UBAP2: variants seen among roughly 807,000 people sequenced by gnomAD.
The protein encoded by UBAP2 is ubiquitin associated protein 2.
In UBAP2, 75 loss-of-function variants were observed where a neutral mutation model predicts 139.6. The ratio of observed to expected loss-of-function variants is 0.54; its 90% CI spans 0.45 to 0.65. UBAP2 has a LOEUF of 0.65. Among genes scored for constraint, UBAP2 ranks in the 30% least tolerant of loss-of-function variants. The pLI, the probability that UBAP2 is intolerant of heterozygous loss-of-function variation, is 0.00. For synonymous variants in UBAP2, 526 were observed against 526.2 expected (o/e 1.00, Z 0.01); for missense variants, 1,368 against 1,369.6 (o/e 1.00, Z 0.02).
chr9:34,001,806 T>C (rs1587640834), intron 2 of UBAP2, among the ~76,000 whole-genome samples: 1 of 152,254 alleles, frequency 6.6e-6, no homozygotes, highest in East Asian at 1.9e-4. Flanking sequence ...TCAGGTAGCC[T>C]TGTTCCAATC....
At chr9:33,926,068 A>G (rs989871733) in intron 22 of UBAP2, among the ~76,000 whole-genome samples, 6 of 152,228 alleles carry the variant, frequency 3.9e-5, no homozygotes, top group Non-Finnish European at 7.3e-5. Flanking sequence ...GTAAGGCTGC[A>G]ACCACCAGGG....
At chr9:34,035,514 A>AAAAAAAAAAAAAATATATATAT in intron 1 of UBAP2, among the ~76,000 whole-genome samples, 1 of 22,490 alleles carries the variant, frequency 4.4e-5, no homozygotes, top group Non-Finnish European at 9.8e-5. Context: ...AAAAAAAAAA[A>AAAAAAAAAAAAAATATATATAT]ATATATATAT....
intron 12 of UBAP2, among the ~76,000 whole-genome samples, chr9:33,951,052 C>A (rs1201498109): frequency 6.6e-6 from 1 of 152,126 alleles, no homozygotes; most frequent in Non-Finnish European, 1.5e-5. Context: ...TATTTGGAGA[C>A]AAGGTATTGC....
chr9:33,943,856 C>T (rs1240618448), intron 14 of UBAP2, among the ~76,000 whole-genome samples: 2 of 151,952 alleles, frequency 1.3e-5, no homozygotes, highest in African/African-American at 2.4e-5. Context: ...CATTTGCACC[C>T]AGGAGTTCAA....
chr9:34,023,106 G>A (rs1319338940), intron 1 of UBAP2, among the ~76,000 whole-genome samples: 3 of 151,874 alleles, frequency 2.0e-5, no homozygotes, highest in Admixed American at 1.3e-4. Flanking sequence ...CGCGCCTGTA[G>A]TCCCAGCTAC....
chr9:33,933,515 T>A lies in UBAP2; in HGVS notation c.2083A>T (p.Ser695Cys). The change falls in exon 18 of 29, where the codon AGC becomes TGC. Residue 695 changes from serine to cysteine, a missense_variant. Transcript: ENST00000379238. ...STSQHTGDLT[S>C]SPLSQLSSSL... ...CTGCTAAGCTGAGAGAGAGGGCTGCTAGTCAGGTCGCCAGTGTGCTGGGAT... is the reference window on the plus strand; with the variant it reads ...CTGCTAAGCTGAGAGAGAGGGCTGCAAGTCAGGTCGCCAGTGTGCTGGGAT... 6.2e-7 allele frequency: 1 copy of A among 1,613,944 alleles called. No individual in the cohort carries two copies. Among genetic ancestry groups the A allele is most frequent in the Middle Eastern group, 1.7e-4 (1 of 6,060 alleles).
chr9:34,038,722 G>A (rs11999054), intron 1 of UBAP2, among the ~76,000 whole-genome samples: 1 of 151,774 alleles, frequency 6.6e-6, no homozygotes, highest in Admixed American at 6.6e-5. Flanking sequence ...GGGAAGTGAG[G>A]AGCATCTCTG....
At chr9:33,989,359 G>A (rs1004887249) in intron 4 of UBAP2, among the ~76,000 whole-genome samples, 24 of 151,982 alleles carry the variant, frequency 1.6e-4, no homozygotes. Context: ...CTGCCACCAC[G>A]CCCAACTAAT....
At chr9:34,014,039 A>C (rs1349674768) in intron 2 of UBAP2, among the ~76,000 whole-genome samples, 1 of 151,988 alleles carries the variant, frequency 6.6e-6, no homozygotes, top group Non-Finnish European at 1.5e-5. Flanking sequence ...AAAATTTAAA[A>C]GGGCCAGGTG....
chr9:33,973,626 T>C (rs1410448140), intron 6 of UBAP2, among the ~76,000 whole-genome samples: 2 of 152,190 alleles, frequency 1.3e-5, no homozygotes, highest in Non-Finnish European at 2.9e-5. Context: ...CACTGTTAAG[T>C]ATCATTTTAA....
intron 12 of UBAP2, among the ~76,000 whole-genome samples, chr9:33,949,704 CAT>C (rs34254167): frequency 0.13 from 19,284 of 152,046 alleles, 1,551 homozygotes; most frequent in African/African-American, 0.22. Context: ...ACTCGTCTCT[CAT>C]GTGTGTGTGC....
At chr9:34,023,695 T>C (rs1421974664) in intron 1 of UBAP2, among the ~76,000 whole-genome samples, 2 of 152,216 alleles carry the variant, frequency 1.3e-5, no homozygotes, top group Non-Finnish European at 2.9e-5. Context: ...TAATTAAGGT[T>C]TACTGCTCTG....
intron 4 of UBAP2, among the ~76,000 whole-genome samples, chr9:33,990,609 G>A (rs563329300): frequency 6.7e-6 from 1 of 150,002 alleles, no homozygotes; most frequent in East Asian, 2.0e-4. Flanking sequence ...AACCTTTCTA[G>A]AAGGTTACTT....
intron 1 of UBAP2, among the ~76,000 whole-genome samples, chr9:34,019,905 T>C (rs117642732): frequency 4.0e-4 from 61 of 152,044 alleles, no homozygotes; most frequent in Admixed American, 6.6e-4. Flanking sequence ...CTCATATCTG[T>C]AATCCTAACA....
intron 1 of UBAP2, among the ~76,000 whole-genome samples, chr9:34,017,946 G>A (rs926778276): frequency 7.2e-5 from 11 of 151,792 alleles, no homozygotes; most frequent in Non-Finnish European, 8.8e-5. Context: ...AAAAAATTGT[G>A]CATATAATTT....
At chr9:33,958,918 T>A (rs975512305) in intron 10 of UBAP2, among the ~76,000 whole-genome samples, 1 of 151,418 alleles carries the variant, frequency 6.6e-6, no homozygotes, top group Non-Finnish European at 1.5e-5. Context: ...AGAAGCCAAG[T>A]CGGACAGATC....
At chr9:33,936,645 AAAAAC>A (rs911799433) in intron 16 of UBAP2, among the ~76,000 whole-genome samples, 14 of 152,130 alleles carry the variant, frequency 9.2e-5, no homozygotes, top group Admixed American at 1.3e-4. Context: ...CTCCATCTCA[AAAAAC>A]AAAACAAAAC....
At chr9:33,983,729 C>T (rs307699) in intron 6 of UBAP2, among the ~76,000 whole-genome samples, 4,700 of 152,284 alleles carry the variant, frequency 0.031, 155 homozygotes, top group East Asian at 0.089. Context: ...CGTGCCAACA[C>T]TCTTCGTTGC....
intron 1 of UBAP2, among the ~76,000 whole-genome samples, chr9:34,040,950 C>T (rs542919937): frequency 6.6e-6 from 1 of 152,280 alleles, no homozygotes; most frequent in South Asian, 2.1e-4. Context: ...GTAAAAGTTA[C>T]ACATACCCTA....
Sources: allele counts gnomAD v4.1 joint callset (sites outside exome capture counted in the v4.1 genomes callset), GRCh38; gene constraint gnomAD v4.1.1; transcripts MANE v1.5; gene names NCBI Gene and HGNC (gene_info 2026-07-23, HGNC 2026-07-21).